The following VPS13B variants were observed in gnomAD, a reference collection of about 807,000 sequenced individuals.
The protein encoded by VPS13B is intermembrane lipid transfer protein VPS13B.
VPS13B carries 285 observed loss-of-function variants against 426.4 expected under a neutral mutation model. The ratio of observed to expected loss-of-function variants is 0.67; its 90% CI spans 0.61 to 0.74. The LOEUF (loss-of-function observed/expected upper bound fraction) is 0.74, where lower values mean the gene tolerates loss of function less well. VPS13B is among the 30% of genes least tolerant of loss of function. The pLI is 0.00. For missense variants in VPS13B, 4,537 were observed against 4,782.6 expected (o/e 0.95, Z 1.51); for synonymous variants, 1,676 against 1,676.4 (o/e 1.00, Z 0.01).
chr8:99,597,755 C>T (rs1281896383), intron 33 of VPS13B, among the ~76,000 whole-genome samples: 3 of 151,912 alleles, frequency 2.0e-5, no homozygotes, highest in Non-Finnish European at 4.4e-5. Flanking sequence ...GTTATGTGAG[C>T]AAAATAAACC....
chr8:99,613,936 C>T (rs979426646), intron 33 of VPS13B: 3 of 152,244 alleles, frequency 2.0e-5, no homozygotes, highest in Non-Finnish European at 4.4e-5. Flanking sequence ...TCTCCTGATT[C>T]CAGGAGGTCA....
intron 19 of VPS13B, among the ~76,000 whole-genome samples, chr8:99,338,037 A>G (rs747648102): frequency 3.9e-5 from 6 of 151,978 alleles, no homozygotes; most frequent in Non-Finnish European, 8.8e-5. Context: ...CTGGAATTCT[A>G]TTCTGGTTTT....
At chr8:99,651,668 T>C (rs149079038) in intron 34 of VPS13B, among the ~76,000 whole-genome samples, 1 of 152,292 alleles carries the variant, frequency 6.6e-6, no homozygotes, top group African/African-American at 2.4e-5. Flanking sequence ...TTTATAAATA[T>C]TTAAAAATTG....
At chr8:99,184,450 A>G (rs1016739620) in intron 16 of VPS13B, among the ~76,000 whole-genome samples, 1 of 152,044 alleles carries the variant, frequency 6.6e-6, no homozygotes, top group African/African-American at 2.4e-5. Flanking sequence ...TTTTATAAGA[A>G]TTCATTTTTG....
At chr8:99,409,125 GC>G (rs369719351) in intron 21 of VPS13B, among the ~76,000 whole-genome samples, 5 of 152,112 alleles carry the variant, frequency 3.3e-5, no homozygotes, top group African/African-American at 1.2e-4. Flanking sequence ...GATCCTTAGG[GC>G]CTCAGATTCA....
At chr8:99,097,087 G>T (rs1846468905) in intron 4 of VPS13B, among the ~76,000 whole-genome samples, 2 of 152,148 alleles carry the variant, frequency 1.3e-5, no homozygotes, top group African/African-American at 2.4e-5. Context: ...AGAACTATTT[G>T]CAGGGATATT....
chr8:99,140,887 T>C (rs1810386091), intron 12 of VPS13B, among the ~76,000 whole-genome samples: 1 of 152,176 alleles, frequency 6.6e-6, no homozygotes, highest in Admixed American at 6.5e-5. Flanking sequence ...AAGCAAGTGA[T>C]GTTTTAAAAA....
intron 30 of VPS13B, among the ~76,000 whole-genome samples, chr8:99,543,770 C>G (rs1249807240): frequency 2.6e-5 from 4 of 151,722 alleles, no homozygotes; most frequent in Non-Finnish European, 5.9e-5. Flanking sequence ...GAGATACCAT[C>G]TCACACTAGT....
rs763677673 is a variant in VPS13B, at chr8:99,791,083, AG to A, written c.7941+6608del. Among the ~76,000 whole-genome samples, 23 of 152,168 alleles carry A rather than the reference AG, an allele frequency of 1.5e-4. 1 individual carries two copies. The highest frequency in any genetic ancestry group is 1.4e-3 in the Admixed American group (22 of 15,270). ...AGTATAGGTTGGCCCAGCGGATGACAGTGGAGGAGTACACCAAGAAGAACAA... is the reference window on the plus strand; with the variant it reads ...AGTATAGGTTGGCCCAGCGGATGACATGGAGGAGTACACCAAGAAGAACAA... On this transcript the variant is annotated intron_variant, in intron 43 of 61. Coordinates refer to ENST00000357162, the MANE Select transcript of VPS13B (RefSeq NM_152564.5).
chr8:99,615,923 G>A (rs1828065637), intron 33 of VPS13B, among the ~76,000 whole-genome samples: 1 of 151,774 alleles, frequency 6.6e-6, no homozygotes, highest in Admixed American at 6.6e-5. Context: ...TATATTATAG[G>A]CAATATATAC....
intron 19 of VPS13B, among the ~76,000 whole-genome samples, chr8:99,326,451 G>GGTTTTTTTTTTTTTTTTTTTT (rs1563669420): frequency 5.1e-5 from 1 of 19,748 alleles, no homozygotes; most frequent in Admixed American, 3.7e-4. Flanking sequence ...TCTCTAGGTA[G>GGTTTTTTTTTTTTTTTTTTTT]CTTTTTTTTT....
At chr8:99,231,139 A>T (rs183789866) in intron 17 of VPS13B, among the ~76,000 whole-genome samples, 19 of 152,378 alleles carry the variant, frequency 1.2e-4, no homozygotes, top group Non-Finnish European at 2.5e-4. Context: ...AGTGTTTATC[A>T]CCAGAGTAAA....
intron 21 of VPS13B, among the ~76,000 whole-genome samples, chr8:99,401,230 G>T (rs1186784145): frequency 1.3e-5 from 2 of 152,104 alleles, no homozygotes; most frequent in African/African-American, 4.8e-5. Context: ...TGTAAAATGA[G>T]TTATTTCAAT....
chr8:99,166,127 G>A (rs1450156589), intron 15 of VPS13B, among the ~76,000 whole-genome samples: 4 of 151,986 alleles, frequency 2.6e-5, no homozygotes, highest in East Asian at 1.9e-4. Flanking sequence ...TTACAGGCAC[G>A]TGCCACCACT....
chr8:99,427,955 C>A (rs1816823963), intron 21 of VPS13B, among the ~76,000 whole-genome samples: 1 of 152,058 alleles, frequency 6.6e-6, no homozygotes, highest in South Asian at 2.1e-4. Flanking sequence ...AGCAATGGAA[C>A]AGAACAGAGC....
chr8:99,476,472 A>G (rs1336378283), intron 24 of VPS13B, among the ~76,000 whole-genome samples: 4 of 151,808 alleles, frequency 2.6e-5, no homozygotes, highest in South Asian at 4.2e-4. Flanking sequence ...TAAGGCAGAC[A>G]TGAAGATGAA....
intron 19 of VPS13B, among the ~76,000 whole-genome samples, chr8:99,326,879 C>T (rs1196429675): frequency 2.6e-5 from 4 of 152,096 alleles, no homozygotes; most frequent in Non-Finnish European, 4.4e-5. Flanking sequence ...TTGTGTTTGC[C>T]TCTGGCATTC....
chr8:99,152,061 C>T (rs1443956615), intron 14 of VPS13B, among the ~76,000 whole-genome samples: 2 of 151,812 alleles, frequency 1.3e-5, no homozygotes, highest in East Asian at 3.9e-4. Context: ...TTCTTTTCTT[C>T]TTATTTTGGA....
In VPS13B at chr8:99,275,252, C is replaced by A; in HGVS notation, c.2822C>A (p.Ser941Tyr). 1 of 1,607,092 alleles carries A rather than the reference C, an allele frequency of 6.2e-7. No homozygotes were observed. The highest frequency in any genetic ancestry group is 8.5e-7 in the Non-Finnish European group (1 of 1,177,258). The change falls in exon 19 of 62, where the codon TCC (serine) becomes TAC (tyrosine). Residue 941 changes from serine to tyrosine, a missense_variant and splice_region_variant. Coordinates refer to ENST00000357162, the MANE Select transcript of VPS13B (RefSeq NM_152564.5). ...VPQYIDYCHN[S>Y]GAVLLCSIQG... ...CAATATATTGACTACTGCCACAATTCCGGTAAGTACAAACCTATCATTATT... is the reference window on the plus strand; with the variant it reads ...CAATATATTGACTACTGCCACAATTACGGTAAGTACAAACCTATCATTATT...
Sources: allele counts gnomAD v4.1 joint callset (sites outside exome capture counted in the v4.1 genomes callset), GRCh38; gene constraint gnomAD v4.1.1; transcripts MANE v1.5; gene names NCBI Gene and HGNC (gene_info 2026-07-23, HGNC 2026-07-21).